ARHGEF37: variants seen among roughly 807,000 people sequenced by gnomAD.
ARHGEF37 encodes Rho guanine nucleotide exchange factor (GEF) 37.
ARHGEF37 carries 55 observed loss-of-function variants against 71.1 expected under a neutral mutation model. The observed-to-expected ratio is 0.77, with a 90% CI of 0.62 to 0.97. The LOEUF (loss-of-function observed/expected upper bound fraction) is 0.97, where lower values mean the gene tolerates loss of function less well. Ranked by LOEUF, ARHGEF37 falls within the 50% of genes least tolerant of loss-of-function variation. The pLI is 0.00. For missense variants in ARHGEF37, 765 were observed against 836.8 expected (o/e 0.91, Z 1.06); for synonymous variants, 327 against 350.6 (o/e 0.93, Z 0.75).
intron 1 of ARHGEF37, among the ~76,000 whole-genome samples, chr5:149,597,269 A>AT (rs1006607873): frequency 7.3e-5 from 11 of 150,980 alleles, no homozygotes; most frequent in African/African-American, 1.7e-4. Context: ...TTAAAAAAAA[A>AT]TTTTTTTTGT....
At chr5:149,562,592 C>T (rs766902703) in intron 1 of ARHGEF37, among the ~76,000 whole-genome samples, 1 of 152,096 alleles carries the variant, frequency 6.6e-6, no homozygotes, top group Non-Finnish European at 1.5e-5. Context: ...ACAGGGCCCA[C>T]CCGGCTACCA....
In ARHGEF37 at chr5:149,632,125, T is replaced by C; in HGVS notation, c.1962T>C (p.Tyr654=). The stretch of plus-strand genomic sequence containing the variant: ...TGGAAGTGAATGGACAGAGGGGTTA[T>C]GTGCCTTCTGGCTTCTTGGCCAGGG... ...SLVEVNGQRG[Y]VPSGFLARAR... is the part of the protein sequence containing the mutation. Residue 654 remains tyrosine (Y), a synonymous_variant, in exon 13 of 13, where the codon TAT becomes TAC. Coordinates refer to ENST00000333677, the MANE Select transcript of ARHGEF37 (RefSeq NM_001001669.3). The C allele has an allele frequency of 1.9e-6, 3 of 1,614,250 alleles. No homozygotes were observed. The highest frequency in any genetic ancestry group is 1.7e-6 in the Non-Finnish European group (2 of 1,180,046).
chr5:149,554,861 G>A (rs529416541), intron 1 of ARHGEF37, among the ~76,000 whole-genome samples: 20 of 152,046 alleles, frequency 1.3e-4, no homozygotes, highest in Admixed American at 9.8e-4. Context: ...GGCCAGGCAC[G>A]GTGGCTCACG....
rs763448641 is a variant in ARHGEF37, at chr5:149,632,226, G to A, written c.*35G>A. On this transcript the variant is annotated 3_prime_UTR_variant, in exon 13 of 13. Transcript: ENST00000333677. ...TTTGGAGCCTACATTGCCAAATGAT[G>A]GGGGAGGCTTAGAGGCTCTGACCCT... is the stretch of plus-strand genomic sequence containing the variant. 6.2e-7 allele frequency: 1 copy of A among 1,605,814 alleles called. No homozygotes were observed. The highest frequency in any genetic ancestry group is 1.1e-5 in the South Asian group (1 of 90,812).
At chr5:149,557,288 G>C (rs1478349080) in intron 1 of ARHGEF37, among the ~76,000 whole-genome samples, 2 of 152,182 alleles carry the variant, frequency 1.3e-5, no homozygotes, top group Non-Finnish European at 2.9e-5. Flanking sequence ...GTTCAGATAT[G>C]ACCTGTAGGA....
upstream of ARHGEF37, chr5:149,551,933 T>C (rs1762678054): frequency 1.3e-5 from 2 of 152,174 alleles, no homozygotes; most frequent in Non-Finnish European, 2.9e-5. Flanking sequence ...TCGAGGAATC[T>C]CTCAGGGCTC....
At chr5:149,584,820 C>T (rs1274102391) in intron 1 of ARHGEF37, among the ~76,000 whole-genome samples, 1 of 152,072 alleles carries the variant, frequency 6.6e-6, no homozygotes, top group Non-Finnish European at 1.5e-5. Context: ...CAGGGTTTCA[C>T]CATGTTGGCC....
intron 1 of ARHGEF37, among the ~76,000 whole-genome samples, chr5:149,563,883 ATTGAGT>A (rs1205417832): frequency 1.3e-5 from 2 of 150,324 alleles, no homozygotes; most frequent in Non-Finnish European, 1.5e-5. Context: ...ACGTGAAGAT[ATTGAGT>A]TTGAGTTTTC....
intron 10 of ARHGEF37, 115 bp from the exon 11 acceptor site, chr5:149,626,932 TTGCCCTGATCAGGGTGGGCCCTTCAGTGG>T: frequency 1.4e-6 from 1 of 738,080 alleles, no homozygotes; most frequent in Non-Finnish European, 2.1e-6. Flanking sequence ...GAGGGCCCTG[TTGCCCTGATCAGGGTGGGCCCTTCAGTGG>T]CAGAGTTAGG....
chr5:149,551,814 C>A (rs549911108), upstream of ARHGEF37: 1 of 151,736 alleles, frequency 6.6e-6, no homozygotes, highest in Non-Finnish European at 1.5e-5. Context: ...CGGTTTTTAA[C>A]CTTTGATCTT....
chr5:149,611,209 A>G (rs1764068692), intron 4 of ARHGEF37, among the ~76,000 whole-genome samples: 1 of 152,352 alleles, frequency 6.6e-6, no homozygotes, highest in South Asian at 2.1e-4. Context: ...AGGCCAGCCC[A>G]TACTCAAGGG....
chr5:149,601,197 A>G lies in ARHGEF37; in HGVS notation c.276A>G (p.Thr92=), dbSNP rs1284774767. The G allele has an allele frequency of 5.6e-6, 9 of 1,613,218 alleles. No individual in the cohort carries two copies. In the East Asian group the frequency reaches 2.0e-4, roughly 36 times the overall value. The stretch of plus-strand genomic sequence containing the variant: ...GATTCCTCCATGATCTGCAGGAGAC[A>G]GCCTCCAAGGAAGAGGAACAAGTGC... ...NSRFLHDLQE[T]ASKEEEQVQL... The change falls in exon 3 of 13, where the codon ACA becomes ACG. Residue 92 remains threonine, a synonymous_variant. Transcript: ENST00000333677.
chr5:149,574,368 G>A (rs1243606487), intron 1 of ARHGEF37, among the ~76,000 whole-genome samples: 1 of 152,214 alleles, frequency 6.6e-6, no homozygotes, highest in African/African-American at 2.4e-5. Flanking sequence ...GGTGGTATGG[G>A]ACCAGACTGA....
intron 1 of ARHGEF37, among the ~76,000 whole-genome samples, chr5:149,593,986 T>A (rs1483617176): frequency 6.6e-6 from 1 of 152,252 alleles, no homozygotes; most frequent in Non-Finnish European, 1.5e-5. Flanking sequence ...ATTATTAGTT[T>A]ATTTTTCATG....
At chr5:149,625,279 G>A (rs569743389) in intron 10 of ARHGEF37, among the ~76,000 whole-genome samples, 1 of 152,304 alleles carries the variant, frequency 6.6e-6, no homozygotes, top group South Asian at 2.1e-4. Context: ...CTTGTAAAGT[G>A]TACCCAGGCA....
rs1348822172 is a variant in ARHGEF37, at chr5:149,633,648, C to A, written c.*1457C>A. The A allele has an allele frequency of 6.6e-6, 1 of 152,224 alleles. No individual in the cohort carries two copies. Among genetic ancestry groups the A allele is most frequent in the African/African-American group, 2.4e-5 (1 of 41,446 alleles). The allele number at this position is 152,224 out of a possible 1,614,324, so 9.4% of individuals were successfully genotyped here. A position where few individuals can be genotyped will look rare whatever the true frequency, so the allele number is the denominator to read the frequency against. On this transcript the variant is annotated 3_prime_UTR_variant, in exon 13 of 13. Transcript: ENST00000333677. Reference sequence around the variant, plus strand: ...GACCAAGTGTGATCTTAACAACTGACAAAGTTTGTAACCAACCCAAGTTAG... The same window carrying A: ...GACCAAGTGTGATCTTAACAACTGAAAAAGTTTGTAACCAACCCAAGTTAG...
In ARHGEF37 at chr5:149,602,353, C is replaced by T. The variant is rs1398784113; in HGVS notation, c.310+1122C>T. Among the ~76,000 whole-genome samples, 4 of 152,122 alleles carry T rather than the reference C, an allele frequency of 2.6e-5. 1 individual carries two copies. The highest frequency in any genetic ancestry group is 5.9e-5 in the Non-Finnish European group (4 of 68,004). On this transcript the variant is annotated intron_variant, in intron 3 of 12. Coordinates refer to ENST00000333677, the MANE Select transcript of ARHGEF37 (RefSeq NM_001001669.3). ...TACAGGCGTGAGCCACTGTGCCCAG[C>T]TGATTTATGTTTTTCAAAGATCTCT...
intron 1 of ARHGEF37, among the ~76,000 whole-genome samples, chr5:149,559,324 G>A (rs368108559): frequency 2.6e-5 from 4 of 152,254 alleles, no homozygotes; most frequent in South Asian, 4.1e-4. Context: ...CCGTCTTGGC[G>A]GGGAACAAAT....
At position 149,634,765 on chromosome 5, in the gene ARHGEF37, A is replaced by G. The variant is rs1190464438; in HGVS notation, c.*2574A>G. ...AACTGAACAAGACTTCCAGGAGTTGAAGTCTGGTTCACAAGGGTACCCCTT... is the reference window on the plus strand; with the variant it reads ...AACTGAACAAGACTTCCAGGAGTTGGAGTCTGGTTCACAAGGGTACCCCTT... On this transcript the variant is annotated 3_prime_UTR_variant, in exon 13 of 13. Transcript: ENST00000333677. The G allele has an allele frequency of 3.3e-5, 5 of 152,638 alleles. No homozygotes were observed. The highest frequency in any genetic ancestry group is 7.3e-5 in the Non-Finnish European group (5 of 68,044). The allele number at this position is 152,638 out of a possible 1,614,324, so 9.5% of individuals were successfully genotyped here. A position where few individuals can be genotyped will look rare whatever the true frequency, so the allele number is the denominator to read the frequency against.
Sources: gnomAD v4.1 joint callset for allele counts (sites outside exome capture counted in the v4.1 genomes callset) on GRCh38, gnomAD v4.1.1 for gene constraint, MANE v1.5 for transcripts, NCBI Gene and HGNC (gene_info 2026-07-23, HGNC 2026-07-21) for gene names.